Variants in OTOGL observed in about 807,000 individuals in gnomAD.
The protein encoded by OTOGL is otogelin-like protein.
In OTOGL, 285 loss-of-function variants were observed where a neutral mutation model predicts 318.5. That is an observed-to-expected ratio of 0.89 (90% CI 0.81 to 0.99). OTOGL has a LOEUF of 0.99. Among genes scored for constraint, OTOGL ranks in the 50% least tolerant of loss-of-function variants. The pLI, the probability that OTOGL is intolerant of heterozygous loss-of-function variation, is 0.00. For missense variants in OTOGL, 2,899 were observed against 2,845.6 expected, an observed-to-expected ratio of 1.02 and a Z score of -0.43; for synonymous variants, 987 against 936.5, an observed-to-expected ratio of 1.05 and a Z score of -0.99.
At chr12:80,159,493 C>A (rs895297773) in intron 1 of OTOGL, among the ~76,000 whole-genome samples, 1 of 151,674 alleles carries the variant, frequency 6.6e-6, no homozygotes, top group Non-Finnish European at 1.5e-5. Flanking sequence ...TTTTTTATTA[C>A]CATTTCAATC....
chr12:80,148,374 T>A (rs1174879551), intron 1 of OTOGL, among the ~76,000 whole-genome samples: 13 of 150,088 alleles, frequency 8.7e-5, no homozygotes, highest in Non-Finnish European at 1.8e-4. Flanking sequence ...GAATGTTGAA[T>A]ATTGGCCCCC....
chr12:80,100,076 G>T (rs748969827), intron 1 of OTOGL, among the ~76,000 whole-genome samples: 7 of 152,056 alleles, frequency 4.6e-5, no homozygotes, highest in Non-Finnish European at 8.8e-5. Context: ...AAGTTCTCCC[G>T]CTTCCTCATG....
intron 20 of OTOGL, chr12:80,265,678 G>A (rs1025016409): frequency 1.2e-5 from 2 of 172,562 alleles, no homozygotes; most frequent in African/African-American, 4.8e-5. Flanking sequence ...TTCCTTGTGT[G>A]TTTTATAATT....
intron 9 of OTOGL, among the ~76,000 whole-genome samples, chr12:80,236,523 T>A (rs563726676): frequency 6.6e-6 from 1 of 152,276 alleles, no homozygotes; most frequent in Non-Finnish European, 1.5e-5. Context: ...ATTGGCCAGG[T>A]TGTTTAGTCA....
intron 38 of OTOGL, among the ~76,000 whole-genome samples, chr12:80,334,115 G>A (rs190041426): frequency 3.2e-4 from 48 of 152,210 alleles, no homozygotes; most frequent in African/African-American, 1.1e-3. Flanking sequence ...GAATAGAACT[G>A]TTTAGGAGGC....
chr12:80,368,280 A>G lies in OTOGL; in HGVS notation c.6586A>G (p.Met2196Val). Reference protein sequence around the residue: ...TCKNVSCKFHMENGTSVVYAV... With the variant: ...TCKNVSCKFHVENGTSVVYAV... ...CAAAAATGTATCCTGCAAATTTCAC[A>G]TGGAAAATGGAACATCAGTTGTATA... The change falls in exon 55 of 59, where the codon ATG becomes GTG. Residue 2196 changes from methionine (M) to valine (V), a missense_variant. Around this residue, in one of 3 missense-constraint regions of OTOGL, gnomAD observed 289 missense variants for 304.6 expected, o/e 0.95. Coordinates refer to ENST00000547103, the MANE Select transcript of OTOGL (RefSeq NM_001378609.3). 4 of 1,596,630 alleles carry G rather than the reference A, an allele frequency of 2.5e-6. No homozygotes were observed. The highest frequency in any genetic ancestry group is 3.4e-6 in the Non-Finnish European group (4 of 1,169,352).
intron 1 of OTOGL, among the ~76,000 whole-genome samples, chr12:80,205,191 T>C (rs1876728401): frequency 6.6e-6 from 1 of 152,206 alleles, no homozygotes; most frequent in African/African-American, 2.4e-5. Flanking sequence ...TACATTAATA[T>C]TTTCACTATA....
intron 1 of OTOGL, among the ~76,000 whole-genome samples, chr12:80,108,743 G>A (rs1487305146): frequency 7.3e-6 from 1 of 137,770 alleles, no homozygotes; most frequent in Non-Finnish European, 1.5e-5. Context: ...CTGGACACAT[G>A]TATTTAAAAA....
intron 1 of OTOGL, among the ~76,000 whole-genome samples, chr12:80,156,048 A>T (rs1185822281): frequency 6.6e-6 from 1 of 152,116 alleles, no homozygotes; most frequent in East Asian, 1.9e-4. Flanking sequence ...ACTTGATTGG[A>T]TTGAAGGATG....
chr12:80,151,942 G>A (rs1056287172), intron 1 of OTOGL, among the ~76,000 whole-genome samples: 2 of 152,158 alleles, frequency 1.3e-5, no homozygotes, highest in African/African-American at 2.4e-5. Flanking sequence ...ATTATCAGTT[G>A]GTGGTATTTA....
intron 26 of OTOGL, among the ~76,000 whole-genome samples, chr12:80,293,699 C>A (rs1217468956): frequency 6.6e-6 from 1 of 151,428 alleles, no homozygotes; most frequent in Non-Finnish European, 1.5e-5. Flanking sequence ...TTCCTTATAT[C>A]CTTTACATGT....
chr12:80,303,440 C>G (rs953319363), intron 28 of OTOGL, among the ~76,000 whole-genome samples: 1 of 152,150 alleles, frequency 6.6e-6, no homozygotes, highest in African/African-American at 2.4e-5. Flanking sequence ...CAGGCGTGAG[C>G]CATTGTGCCC....
Position 80,238,898 on chromosome 12 carries a change from C to G in OTOGL, c.865C>G (p.Gln289Glu), listed in dbSNP as rs1229332465. 1 of 1,585,756 alleles carries G rather than the reference C, an allele frequency of 6.3e-7. No individual in the cohort carries two copies. Among genetic ancestry groups the G allele is most frequent in the Admixed American group, 1.7e-5 (1 of 58,344 alleles). ...IAMFANSWSVQTPDDTKCVLT... is the reference protein window; with the variant it reads ...IAMFANSWSVETPDDTKCVLT... ...TATGTTTGCAAATAGTTGGTCGGTGCAAACTCCAGATGACACCAAATGTGT... is the reference window on the plus strand; with the variant it reads ...TATGTTTGCAAATAGTTGGTCGGTGGAAACTCCAGATGACACCAAATGTGT... Residue 289 changes from glutamine to glutamate, a missense_variant, in exon 10 of 59, where the codon CAA (glutamine) becomes GAA (glutamate). Around this residue, in one of 3 missense-constraint regions of OTOGL, gnomAD observed 2,607 missense variants for 2,524.9 expected, o/e 1.03. Coordinates refer to ENST00000547103, the MANE Select transcript of OTOGL (RefSeq NM_001378609.3).
At chr12:80,372,543 A>C (rs1452660418) in intron 57 of OTOGL, among the ~76,000 whole-genome samples, 2 of 152,104 alleles carry the variant, frequency 1.3e-5, no homozygotes, top group Non-Finnish European at 2.9e-5. Flanking sequence ...GTAAGTATAT[A>C]GTTTTGTACA....
At chr12:80,267,871 C>T (rs990874174) in intron 22 of OTOGL, among the ~76,000 whole-genome samples, 3 of 151,516 alleles carry the variant, frequency 2.0e-5, no homozygotes, top group African/African-American at 7.3e-5. Context: ...AATTTAAGTA[C>T]CTCACAGTGA....
At chr12:80,307,639 T>A (rs1405529021) in intron 29 of OTOGL, among the ~76,000 whole-genome samples, 9 of 100,052 alleles carry the variant, frequency 9.0e-5, no homozygotes, top group African/African-American at 2.3e-4. Flanking sequence ...CCCTCCTGGA[T>A]GGGACGGCTG....
rs1434056520 is a variant in OTOGL at position 80,189,454 on chromosome 12, G to A, written c.-19-19959G>A. The A allele has an allele frequency of 6.1e-6, 6 of 985,102 alleles. No individual in the cohort carries two copies. In the East Asian group the frequency reaches 5.7e-4, roughly 93 times the overall value. 61.0% of individuals were successfully genotyped at this position (985,102 alleles called of 1,614,324 possible). A position where few individuals can be genotyped will look rare whatever the true frequency, so the allele number is the denominator to read the frequency against. The stretch of plus-strand genomic sequence containing the variant: ...AGTTTGTCAAGTCTCATAAGAATGA[G>A]GTTGGATTTTTTTTTCTTTAACTTC... On this transcript the variant is annotated intron_variant, in intron 1 of 58. Transcript: ENST00000547103.
In OTOGL at chr12:80,272,099, T is replaced by C. The variant is rs76392694; in HGVS notation, c.2681+289T>C. Among the ~76,000 whole-genome samples, 3,599 of 152,212 alleles carry C rather than the reference T, an allele frequency of 0.024. 135 individuals are homozygous for C. The highest frequency in any genetic ancestry group is 0.081 in the African/African-American group (3,384 of 41,530). ...AGTGACACAATTAATCACTCTTCAT[T>C]CAAAACACTCTTCAAGTGCATTTTT... is the stretch of plus-strand genomic sequence containing the variant. On this transcript the variant is annotated intron_variant, in intron 24 of 58. Coordinates refer to ENST00000547103, the MANE Select transcript of OTOGL (RefSeq NM_001378609.3).
chr12:80,361,092 C>G lies in OTOGL; in HGVS notation c.6267+2192C>G, dbSNP rs547580467. The G allele has an allele frequency of 4.3e-4, 66 of 152,002 alleles. 1 individual carries two copies. Among genetic ancestry groups the G allele is most frequent in the African/African-American group, 1.3e-3 (54 of 41,462 alleles). 9.4% of individuals were successfully genotyped at this position (152,002 alleles called of 1,614,324 possible). ...GATCTCTTGAACTTATTTCTCCTAT[C>G]TAACTGAAATTTTGCATCCTTTGGC... is the stretch of plus-strand genomic sequence containing the variant. On this transcript the variant is annotated intron_variant, in intron 52 of 58. Transcript: ENST00000547103.
Sources: allele counts gnomAD v4.1 joint callset (sites outside exome capture counted in the v4.1 genomes callset), GRCh38; gene constraint gnomAD v4.1.1; regional missense constraint gnomAD v4.1.1; transcripts MANE v1.5; gene names NCBI Gene and HGNC (gene_info 2026-07-23, HGNC 2026-07-21).